NDUFA6: variants seen among roughly 807,000 people sequenced by gnomAD.
The protein encoded by NDUFA6 is NADH dehydrogenase [ubiquinone] 1 alpha subcomplex subunit 6.
NDUFA6 carries 10 observed loss-of-function variants against 12.5 expected under a neutral mutation model. The observed-to-expected ratio is 0.80, with a 90% CI of 0.49 to 1.35. NDUFA6 has a LOEUF of 1.35. Ranked by LOEUF, NDUFA6 falls within the 40% of genes most tolerant of loss-of-function variation. The pLI is 0.00. For missense variants in NDUFA6, 177 were observed against 173.5 expected (o/e 1.02, Z -0.11); for synonymous variants, 66 against 63.0 (o/e 1.05, Z -0.23).
chr22:42,089,342 A>G (rs187524502), intron 1 of NDUFA6, among the ~76,000 whole-genome samples: 2 of 151,728 alleles, frequency 1.3e-5, no homozygotes, highest in Non-Finnish European at 1.5e-5. Context: ...ACACACACAC[A>G]CACACACACA....
At chr22:42,088,972 G>C (rs888612152) in intron 1 of NDUFA6, among the ~76,000 whole-genome samples, 1 of 151,884 alleles carries the variant, frequency 6.6e-6, no homozygotes, top group Non-Finnish European at 1.5e-5. Flanking sequence ...CATACTCCTT[G>C]ACCCCTTCTT....
rs1182424559 is a variant in NDUFA6, at chr22:42,088,106, C to CAA, written c.140-933_140-932dup. On this transcript the variant is annotated intron_variant, in intron 1 of 2. Coordinates refer to ENST00000498737, the MANE Select transcript of NDUFA6 (RefSeq NM_002490.6). ...TGGGTGACAGAGTGAGACTGTGTCT[C>CAA]AAAAAAAAAAAAAAAAAAAGGCTGG... 2.4e-3 allele frequency among the ~76,000 whole-genome samples: 95 copies of CAA among 39,566 alleles called. 2 individuals are homozygous for CAA. Among genetic ancestry groups the CAA allele is most frequent in the African/African-American group, 6.3e-3 (80 of 12,638 alleles). The allele number at this position is 39,566 out of a possible 152,430, so 26.0% of individuals were successfully genotyped here. A position where few individuals can be genotyped will look rare whatever the true frequency, so the allele number is the denominator to read the frequency against.
At chr22:42,089,309 TTGAA>T (rs1928471910) in intron 1 of NDUFA6, among the ~76,000 whole-genome samples, 1 of 138,812 alleles carries the variant, frequency 7.2e-6, no homozygotes, top group South Asian at 2.2e-4. Flanking sequence ...ACTGCTGAAT[TTGAA>T]TGCACCACCC....
At chr22:42,087,424 AC>A in intron 1 of NDUFA6, 1 of 518,792 alleles carries the variant, frequency 1.9e-6, no homozygotes. Context: ...AAGAGTTTGA[AC>A]AACCTGGGTT....
chr22:42,088,145 C>G (rs1227658242), intron 1 of NDUFA6, among the ~76,000 whole-genome samples: 1 of 147,992 alleles, frequency 6.8e-6, no homozygotes, highest in Non-Finnish European at 1.5e-5. Context: ...CGGTGGCTCA[C>G]GCCTGTAATC....
chr22:42,089,271 T>C (rs1284625632), intron 1 of NDUFA6, among the ~76,000 whole-genome samples: 1 of 151,624 alleles, frequency 6.6e-6, no homozygotes, highest in Admixed American at 6.6e-5. Flanking sequence ...CCTAGAAGTA[T>C]TCTGCCAGGC....
chr22:42,088,899 C>A (rs1478598602), intron 1 of NDUFA6, among the ~76,000 whole-genome samples: 1 of 152,040 alleles, frequency 6.6e-6, no homozygotes, highest in Admixed American at 6.6e-5. Context: ...TACCATAAAA[C>A]CCGTGTGGCA....
At chr22:42,086,356 T>C (rs1311131566) in intron 2 of NDUFA6, 42 bp from the exon 3 acceptor site, 50 of 1,613,538 alleles carry the variant, frequency 3.1e-5, no homozygotes, top group Non-Finnish European at 4.2e-5. Flanking sequence ...AGTTGTCAAG[T>C]TGAAGGCATA....
At chr22:42,088,807 G>A (rs1274465117) in intron 1 of NDUFA6, among the ~76,000 whole-genome samples, 1 of 147,082 alleles carries the variant, frequency 6.8e-6, no homozygotes, top group African/African-American at 2.5e-5. Context: ...TTTTATTAAT[G>A]CTCAGGCTGT....
chr22:42,090,569 C>G, intron 1 of NDUFA6, 37 bp downstream of exon 1: 1 of 1,609,674 alleles, frequency 6.2e-7, no homozygotes, highest in Non-Finnish European at 8.5e-7. Context: ...CCTTGAGCGG[C>G]GGCCTCCGGG....
At chr22:42,087,727 G>A (rs763849983) in intron 1 of NDUFA6, among the ~76,000 whole-genome samples, 54 of 151,876 alleles carry the variant, frequency 3.6e-4, no homozygotes, top group African/African-American at 7.5e-4. Flanking sequence ...GTGTGAACCC[G>A]GGAGGTGGAC....
At chr22:42,088,269 C>T (rs1396546769) in intron 1 of NDUFA6, among the ~76,000 whole-genome samples, 3 of 148,254 alleles carry the variant, frequency 2.0e-5, no homozygotes, top group Non-Finnish European at 3.0e-5. Flanking sequence ...TAGCCGGGCG[C>T]GGTGGCGGGC....
In NDUFA6 at chr22:42,086,204, GA is replaced by G. The variant is rs1173552831; in HGVS notation, c.365del (p.Phe122SerfsTer17). On this transcript the variant is annotated frameshift_variant, in exon 3 of 3. Transcript: ENST00000498737. LOFTEE classifies it high-confidence loss of function. The stretch of plus-strand genomic sequence containing the variant: ...GACTTCATGGATCGTGGCCAACATA[GA>G]ACTTGGATAGGAAATCCTTTGGCCT... ...APRPKDFLSK[F>X]YVGHDP 23 of 1,614,092 alleles carry G rather than the reference GA, an allele frequency of 1.4e-5. No individual in the cohort carries two copies. Among genetic ancestry groups the G allele is most frequent in the African/African-American group, 6.7e-5 (5 of 74,918 alleles).
chr22:42,090,569 C>T (rs1323999484), intron 1 of NDUFA6, 37 bp downstream of exon 1: 2 of 1,609,554 alleles, frequency 1.2e-6, no homozygotes, highest in African/African-American at 2.7e-5. Flanking sequence ...CCTTGAGCGG[C>T]GGCCTCCGGG....
rs1928296866 is a variant in NDUFA6 at position 42,087,074 on chromosome 22, G to T, written c.241C>A (p.Leu81Ile). 6.2e-7 allele frequency: 1 copy of T among 1,613,220 alleles called. No individual in the cohort carries two copies. The highest frequency in any genetic ancestry group is 8.5e-7 in the Non-Finnish European group (1 of 1,179,148). Residue 81 changes from leucine to isoleucine, a missense_variant, in exon 2 of 3, where the codon CTT becomes ATT. Around this residue, in one of 3 missense-constraint regions of NDUFA6, gnomAD observed 62 missense variants for 69.4 expected, o/e 0.89. Coordinates refer to ENST00000498737, the MANE Select transcript of NDUFA6 (RefSeq NM_002490.6). ...AHVTDPRVVD[L>I]LVIKGKIELE... The stretch of plus-strand genomic sequence containing the variant: ...GGGTCAGTTACCTTAATGACCAGAA[G>T]ATCAACCACCCTGGGGTCTGTGACA...
chr22:42,088,046 T>C (rs1928375778), intron 1 of NDUFA6, among the ~76,000 whole-genome samples: 1 of 133,946 alleles, frequency 7.5e-6, no homozygotes, highest in Non-Finnish European at 1.5e-5. Flanking sequence ...AGGTGGAGGG[T>C]GCAGTGAGCT....
rs1383748654 is a variant in NDUFA6 at position 42,087,063 on chromosome 22, A to C, written c.252T>G (p.Ile84Met). The change falls in exon 2 of 3, where the codon ATT becomes ATG. Residue 84 changes from isoleucine (I) to methionine (M), a missense_variant. By Grantham distance (10) the Ile-to-Met change is conservative. Coordinates refer to ENST00000498737, the MANE Select transcript of NDUFA6 (RefSeq NM_002490.6). ...TTGGTCAGGGAGGGTCAGTTACCTT[A>C]ATGACCAGAAGATCAACCACCCTGG... ...TDPRVVDLLVIKGKIELEETI... is the reference protein window; with the variant it reads ...TDPRVVDLLVMKGKIELEETI... 1.3e-5 allele frequency: 21 copies of C among 1,607,782 alleles called. No homozygotes were observed. The highest frequency in any genetic ancestry group is 1.8e-5 in the Non-Finnish European group (21 of 1,174,290).
At position 42,090,715 on chromosome 22, in the gene NDUFA6, A is replaced by G. The variant is rs995382585; in HGVS notation, c.30T>C (p.Thr10=). 6.2e-7 allele frequency: 1 copy of G among 1,614,156 alleles called. No homozygotes were observed. Among genetic ancestry groups the G allele is most frequent in the African/African-American group, 1.3e-5 (1 of 75,058 alleles). The stretch of plus-strand genomic sequence containing the variant: ...GCTTCACGAAGGTGCTGGCGGTAGA[A>G]GTAGCTTGGCGGACGCCGCTCCCCG... MAGSGVRQA[T]STASTFVKPI... The change falls in exon 1 of 3, where the codon ACT becomes ACC. Residue 10 remains threonine (T), a synonymous_variant. Coordinates refer to ENST00000498737, the MANE Select transcript of NDUFA6 (RefSeq NM_002490.6).
Position 42,086,309 on chromosome 22 carries a change from C to A in NDUFA6, c.261G>T (p.Lys87Asn), listed in dbSNP as rs553764336. ...RVVDLLVIKG[K>N]IELEETIKVW... ...CTTTAATTGTTTCTTCCAGTTCGATCTTTCCCTGAACAGTGAGGAGAGAGG... is the reference window on the plus strand; with the variant it reads ...CTTTAATTGTTTCTTCCAGTTCGATATTTCCCTGAACAGTGAGGAGAGAGG... Residue 87 changes from lysine (K) to asparagine (N), a missense_variant, in exon 3 of 3, where the codon AAG becomes AAT. By Grantham distance (94) the Lys-to-Asn change is moderately conservative. Coordinates refer to ENST00000498737, the MANE Select transcript of NDUFA6 (RefSeq NM_002490.6). 1 of 1,614,238 alleles carries A rather than the reference C, an allele frequency of 6.2e-7. No homozygotes were observed. The highest frequency in any genetic ancestry group is 1.1e-5 in the South Asian group (1 of 91,090).
Sources: gnomAD v4.1 joint callset for allele counts (sites outside exome capture counted in the v4.1 genomes callset) on GRCh38, gnomAD v4.1.1 for gene constraint, gnomAD v4.1.1 regional missense constraint, MANE v1.5 for transcripts, NCBI Gene and HGNC (gene_info 2026-07-23, HGNC 2026-07-21) for gene names.